The following PVALEF variants were observed in gnomAD, a reference collection of about 807,000 sequenced individuals.
PVALEF encodes parvalbumin like EF-hand containing.
In PVALEF, 2 loss-of-function variants were observed where a neutral mutation model predicts 1.2. The observed-to-expected ratio is 1.68, with a 90% CI of 0.69 to 5.28. The LOEUF (loss-of-function observed/expected upper bound fraction) is 5.28, where lower values mean the gene tolerates loss of function less well. Ranked by LOEUF, PVALEF falls within the 30% of genes most tolerant of loss-of-function variation. The pLI, the probability that PVALEF is intolerant of heterozygous loss-of-function variation, is 0.06. For synonymous variants in PVALEF, 16 were observed against 6.5 expected (o/e 2.47, Z -2.24); for missense variants, 35 against 17.7 (o/e 1.97, Z -1.75).
chr17:81,180,576 C>T (rs993759125), intron 3 of PVALEF, among the ~76,000 whole-genome samples: 108 of 152,290 alleles, frequency 7.1e-4, no homozygotes, highest in African/African-American at 2.4e-3. Flanking sequence ...CCTGGCTCCT[C>T]GCACAACCCT....
At chr17:81,167,091 C>T (rs1021830730) in intron 2 of PVALEF, among the ~76,000 whole-genome samples, 1 of 152,220 alleles carries the variant, frequency 6.6e-6, no homozygotes, top group Non-Finnish European at 1.5e-5. Context: ...TCAGGGGTTC[C>T]AGACCAGCCT....
chr17:81,177,926 T>C (rs1202524259), intron 2 of PVALEF, among the ~76,000 whole-genome samples: 1 of 152,196 alleles, frequency 6.6e-6, no homozygotes, highest in Non-Finnish European at 1.5e-5. Context: ...GAAAGTGACC[T>C]GGCAGGACCC....
At chr17:81,166,213 G>C (rs1598242740) in intron 1 of PVALEF, 1 of 148,914 alleles carries the variant, frequency 6.7e-6, no homozygotes, top group Non-Finnish European at 1.4e-5. Flanking sequence ...GGCTCCGCTG[G>C]TGCAGTCCGA....
chr17:81,174,309 A>G (rs2061529803), intron 2 of PVALEF, among the ~76,000 whole-genome samples: 1 of 152,118 alleles, frequency 6.6e-6, no homozygotes, highest in Non-Finnish European at 1.5e-5. Flanking sequence ...AGCAAGAAAA[A>G]GAAATAAAAG....
At chr17:81,167,329 C>T (rs78815537) in intron 2 of PVALEF, among the ~76,000 whole-genome samples, 3,557 of 150,978 alleles carry the variant, frequency 0.024, 82 homozygotes, top group East Asian at 0.13. Flanking sequence ...GAGTTTGATG[C>T]ACCCTCATCC....
At chr17:81,166,391 A>C (rs1598243132) in intron 1 of PVALEF, among the ~76,000 whole-genome samples, 1 of 54,232 alleles carries the variant, frequency 1.8e-5, no homozygotes, top group Non-Finnish European at 3.5e-5. Flanking sequence ...GAGGGGAGGC[A>C]TGGAGGAGGG....
At chr17:81,181,040 C>G in intron 3 of PVALEF, 83 bp from the exon 4 acceptor site, 1 of 537,816 alleles carries the variant, frequency 1.9e-6, no homozygotes, top group Non-Finnish European at 3.3e-6. Context: ...AGACCCCCAC[C>G]TGCCTGGCTG....
intron 3 of PVALEF, among the ~76,000 whole-genome samples, chr17:81,180,197 G>T (rs1280779155): frequency 6.6e-6 from 1 of 152,206 alleles, no homozygotes; most frequent in Admixed American, 6.5e-5. Flanking sequence ...GCCCAGCCCA[G>T]GGGCACCCCC....
At chr17:81,169,921 T>G (rs1015865507) in intron 2 of PVALEF, among the ~76,000 whole-genome samples, 53 of 152,060 alleles carry the variant, frequency 3.5e-4, no homozygotes, top group African/African-American at 5.6e-4. Context: ...TCGGTTTGTG[T>G]GTGCATGTGT....
chr17:81,167,815 AAAG>A (rs1179771380), intron 2 of PVALEF, among the ~76,000 whole-genome samples: 6 of 152,222 alleles, frequency 3.9e-5, no homozygotes, highest in Non-Finnish European at 7.4e-5. Flanking sequence ...CGTTGCAGGT[AAAG>A]AAGCCGCGTG....
chr17:81,176,793 G>A (rs2061537052), intron 2 of PVALEF, among the ~76,000 whole-genome samples: 1 of 152,074 alleles, frequency 6.6e-6, no homozygotes, highest in Non-Finnish European at 1.5e-5. Flanking sequence ...AGGGTCTCAA[G>A]GAGACATTTG....
chr17:81,182,996 T>C lies in PVALEF; in HGVS notation c.390T>C (p.Ile130=). The change falls in exon 7 of 7, where the codon ATT becomes ATC. Residue 130 remains isoleucine (I), a synonymous_variant. Transcript: ENST00000637878. ...CTGAATTGATCAAAAAGGAGAAAAT[T>C]CCAAAGAAGAAGTAGCACCATGACT... ...EFSELIKKEK[I]PKKK is the part of the protein sequence containing the mutation. 2.5e-6 allele frequency: 1 copy of C among 398,582 alleles called. No individual in the cohort carries two copies. Among genetic ancestry groups the C allele is most frequent in the Non-Finnish European group, 4.4e-6 (1 of 226,062 alleles). The allele number at this position is 398,582 out of a possible 1,614,324, so 24.7% of individuals were successfully genotyped here.
At chr17:81,173,961 T>C (rs2061528683) in intron 2 of PVALEF, among the ~76,000 whole-genome samples, 1 of 152,158 alleles carries the variant, frequency 6.6e-6, no homozygotes. Context: ...CATAATCAAG[T>C]GGGATTTATT....
intron 2 of PVALEF, among the ~76,000 whole-genome samples, chr17:81,171,198 T>C (rs1031131675): frequency 6.6e-6 from 1 of 151,882 alleles, no homozygotes; most frequent in Admixed American, 6.5e-5. Context: ...GCCAGTGACC[T>C]GGGGGCAGGG....
intron 2 of PVALEF, among the ~76,000 whole-genome samples, chr17:81,172,917 A>G (rs542884964): frequency 8.8e-4 from 134 of 152,092 alleles, no homozygotes; most frequent in Middle Eastern, 3.4e-3. Context: ...GCTCTGTGTA[A>G]GAACCAGAGG....
At chr17:81,166,094 C>A (rs2061487646) in intron 1 of PVALEF, 25 of 662,482 alleles carry the variant, frequency 3.8e-5, no homozygotes, top group Non-Finnish European at 4.7e-5. Context: ...GCCGCAGGTG[C>A]GGAGCGCGCC....
chr17:81,169,846 ATG>A (rs112919379), intron 2 of PVALEF, among the ~76,000 whole-genome samples: 36,063 of 151,234 alleles, frequency 0.24, 4,673 homozygotes, highest in Non-Finnish European at 0.28. Context: ...TGGTAGGTAT[ATG>A]TGTGTGTGCA....
At position 81,181,321 on chromosome 17, in the gene PVALEF, T is replaced by C. The variant is rs2061553220; in HGVS notation, c.95T>C (p.Met32Thr). 1 of 685,920 alleles carries C rather than the reference T, an allele frequency of 1.5e-6. No individual in the cohort carries two copies. The highest frequency in any genetic ancestry group is 2.7e-5 in the East Asian group (1 of 37,016). 42.5% of individuals were successfully genotyped at this position (685,920 alleles called of 1,614,324 possible). Residue 32 changes from methionine to threonine, a missense_variant, in exon 4 of 7, where the codon ATG becomes ACG. Coordinates refer to ENST00000637878, the MANE Select transcript of PVALEF (RefSeq NM_001354639.2). ...DKDIELLPTD[M>T]RHHGSFNYLK... ...GACATTGAGCTGCTGCCCACAGACA[T>C]GAGACACCACGGTACAGCATGCCCC...
At chr17:81,167,695 C>G (rs62075298) in intron 2 of PVALEF, among the ~76,000 whole-genome samples, 1 of 152,222 alleles carries the variant, frequency 6.6e-6, no homozygotes, top group African/African-American at 2.4e-5. Context: ...CTGTAGGAGA[C>G]AAGACACCAA....
Sources: gnomAD v4.1 joint callset for allele counts (sites outside exome capture counted in the v4.1 genomes callset) on GRCh38, gnomAD v4.1.1 for gene constraint, MANE v1.5 for transcripts, NCBI Gene and HGNC (gene_info 2026-07-23, HGNC 2026-07-21) for gene names.